The following RARB variants were observed in gnomAD, a reference collection of about 807,000 sequenced individuals.
RARB encodes HBV-activated protein.
A neutral mutation model predicts 51.9 loss-of-function variants in RARB; 17 were observed. The ratio of observed to expected loss-of-function variants is 0.33; its 90% CI spans 0.22 to 0.49. RARB has a LOEUF of 0.49. Among genes scored for constraint, RARB ranks in the 20% least tolerant of loss-of-function variants. RARB has a pLI of 0.99. For missense variants in RARB, 369 were observed against 550.8 expected, an observed-to-expected ratio of 0.67 and a Z score of 3.30; for synonymous variants, 215 against 195.4, an observed-to-expected ratio of 1.10 and a Z score of -0.84.
intron 1 of RARB, among the ~76,000 whole-genome samples, chr3:24,852,953 T>G (rs948769064): frequency 6.6e-6 from 1 of 152,038 alleles, no homozygotes; most frequent in Non-Finnish European, 1.5e-5. Flanking sequence ...CTAAAAACCT[T>G]TGAACTGTAC....
chr3:25,461,429 A>G, intron 2 of RARB, 88 bp downstream of exon 2: 1 of 1,424,226 alleles, frequency 7.0e-7, no homozygotes, highest in Admixed American at 2.1e-5. Context: ...AATGGGCTGG[A>G]TGTGTAACAT....
chr3:25,425,838 T>C (rs1040533285), upstream of RARB, among the ~76,000 whole-genome samples: 1 of 152,122 alleles, frequency 6.6e-6, no homozygotes, highest in African/African-American at 2.4e-5. Flanking sequence ...CATCTTCACT[T>C]CCCTGGGACC....
At chr3:25,449,530 G>A (rs1709097908) in intron 1 of RARB, among the ~76,000 whole-genome samples, 1 of 152,120 alleles carries the variant, frequency 6.6e-6, no homozygotes, top group Non-Finnish European at 1.5e-5. Context: ...ACAGCTGCTT[G>A]TGACAGGAGT....
chr3:25,410,825 C>T (rs892460790), intron 5 of RARB, among the ~76,000 whole-genome samples: 4 of 152,210 alleles, frequency 2.6e-5, no homozygotes, highest in African/African-American at 9.7e-5. Context: ...GGCCTCTCCC[C>T]TCCTTCCCTC....
intron 2 of RARB, among the ~76,000 whole-genome samples, chr3:25,041,832 C>T (rs1355371365): frequency 3.3e-5 from 5 of 151,962 alleles, no homozygotes; most frequent in African/African-American, 1.2e-4. Context: ...TAATGAAATT[C>T]TGAATTTTAT....
chr3:25,423,055 G>A (rs1040758784), intron 5 of RARB, among the ~76,000 whole-genome samples: 1 of 152,182 alleles, frequency 6.6e-6, no homozygotes, highest in Admixed American at 6.5e-5. Context: ...AGACTGTATA[G>A]CCTGCAAAGC....
At chr3:24,901,758 T>C (rs1285045111) in intron 2 of RARB, among the ~76,000 whole-genome samples, 1 of 152,182 alleles carries the variant, frequency 6.6e-6, no homozygotes, top group Non-Finnish European at 1.5e-5. Flanking sequence ...CTTTGCTGAC[T>C]AGGGGGATTC....
intron 2 of RARB, among the ~76,000 whole-genome samples, chr3:24,873,181 A>T (rs188941423): frequency 2.6e-4 from 40 of 152,340 alleles, no homozygotes; most frequent in African/African-American, 9.4e-4. Context: ...TTGATTTATT[A>T]TGCTTATCTT....
At chr3:25,073,481 A>C (rs941990648) in intron 3 of RARB, among the ~76,000 whole-genome samples, 1 of 152,198 alleles carries the variant, frequency 6.6e-6, no homozygotes, top group Non-Finnish European at 1.5e-5. Flanking sequence ...CAGTTTGAGA[A>C]ACAGTGGGTT....
chr3:25,254,083 C>G (rs1399846718), intron 5 of RARB, among the ~76,000 whole-genome samples: 1 of 152,124 alleles, frequency 6.6e-6, no homozygotes, highest in African/African-American at 2.4e-5. Flanking sequence ...ATGGACTTAA[C>G]CAATACAGAC....
intron 5 of RARB, among the ~76,000 whole-genome samples, chr3:25,266,800 G>A (rs1703137364): frequency 6.6e-6 from 1 of 152,198 alleles, no homozygotes; most frequent in South Asian, 2.1e-4. Context: ...GCCATATAAG[G>A]AAACAGTGAG....
At chr3:25,294,445 A>G (rs75130893) in intron 5 of RARB, among the ~76,000 whole-genome samples, 6,233 of 152,316 alleles carry the variant, frequency 0.041, 153 homozygotes, top group Middle Eastern at 0.068. Context: ...AAGGAATTGA[A>G]TATGGGGAGT....
At chr3:25,056,896 C>T (rs549816055) in intron 2 of RARB, among the ~76,000 whole-genome samples, 4 of 152,168 alleles carry the variant, frequency 2.6e-5, no homozygotes, top group Admixed American at 1.3e-4. Flanking sequence ...GAGTGACTCG[C>T]TAAAGTCTGT....
intron 2 of RARB, among the ~76,000 whole-genome samples, chr3:25,043,304 T>C (rs1698149265): frequency 6.6e-6 from 1 of 152,252 alleles, no homozygotes; most frequent in African/African-American, 2.4e-5. Flanking sequence ...TATCTGGCCA[T>C]TCTTAACAGA....
At chr3:25,258,301 TCA>T (rs1702916271) in intron 5 of RARB, among the ~76,000 whole-genome samples, 1 of 152,162 alleles carries the variant, frequency 6.6e-6, no homozygotes, top group African/African-American at 2.4e-5. Context: ...AAGTAGCTAA[TCA>T]CCCCAAAGTG....
chr3:25,389,315 G>C (rs1706882724), intron 5 of RARB, among the ~76,000 whole-genome samples: 1 of 152,024 alleles, frequency 6.6e-6, no homozygotes. Flanking sequence ...CATTGCTGTG[G>C]GTATTGTGGC....
chr3:25,226,817 G>T (rs1363589616), intron 5 of RARB, among the ~76,000 whole-genome samples: 2 of 152,120 alleles, frequency 1.3e-5, no homozygotes, highest in African/African-American at 4.8e-5. Flanking sequence ...GCTCAAGAAG[G>T]GCTGAATGTA....
chr3:25,143,173 A>T (rs1700136432), intron 4 of RARB, among the ~76,000 whole-genome samples: 1 of 151,882 alleles, frequency 6.6e-6, no homozygotes, highest in African/African-American at 2.4e-5. Flanking sequence ...CACACTCCCA[A>T]CTCACCTAGC....
chr3:24,930,328 G>A lies in RARB; in HGVS notation c.-380+71576G>A, dbSNP rs761263392. Among the ~76,000 whole-genome samples the A allele has an allele frequency of 7.1e-5, 10 of 141,626 alleles. No homozygotes were observed. The South Asian group carries it at 9.7e-4, about 14-fold the overall frequency. The allele number at this position is 141,626 out of a possible 152,430, so 92.9% of individuals were successfully genotyped here. On this transcript the variant is annotated intron_variant, in intron 2 of 11. Transcript: ENST00000383772. ...TTAGAGGTGGGATGCATCCAGGGGC[G>A]TAAGCTTTACCACCATTAACTGCGT...
Sources: allele counts gnomAD v4.1 joint callset (sites outside exome capture counted in the v4.1 genomes callset), GRCh38; gene constraint gnomAD v4.1.1; transcripts MANE v1.5; gene names NCBI Gene and HGNC (gene_info 2026-07-23, HGNC 2026-07-21).